ATG4C: variants seen among roughly 807,000 people sequenced by gnomAD.
ATG4C encodes cysteine protease ATG4C.
Under a neutral mutation model 57.6 loss-of-function variants are expected in ATG4C, and 56 were observed. The ratio of observed to expected loss-of-function variants is 0.97; its 90% CI spans 0.78 to 1.21. ATG4C has a LOEUF of 1.21. Ranked by LOEUF, ATG4C falls within the 50% of genes most tolerant of loss-of-function variation. ATG4C has a pLI of 0.00. For missense variants in ATG4C, 595 were observed against 529.8 expected, an observed-to-expected ratio of 1.12 and a Z score of -1.21; for synonymous variants, 157 against 174.1, an observed-to-expected ratio of 0.90 and a Z score of 0.78.
chr1:62,811,078 T>A (rs1187741479), intron 3 of ATG4C, among the ~76,000 whole-genome samples: 2 of 152,220 alleles, frequency 1.3e-5, no homozygotes, highest in African/African-American at 4.8e-5. Flanking sequence ...TTCAGTTCCC[T>A]TTCTATTTGA....
In ATG4C at chr1:62,864,468, C is replaced by G. The variant is rs1438174901; in HGVS notation, c.*309C>G. ...AAGTCTTCCACCTGAGCCCATTGTT[C>G]TCATGGAGGTTTTGTGATATTAACC... is the stretch of plus-strand genomic sequence containing the variant. On this transcript the variant is annotated 3_prime_UTR_variant, in exon 11 of 11. Coordinates refer to ENST00000317868, the MANE Select transcript of ATG4C (RefSeq NM_032852.4). 1 of 221,772 alleles carries G rather than the reference C, an allele frequency of 4.5e-6. No homozygotes were observed. Among genetic ancestry groups the G allele is most frequent in the Non-Finnish European group, 8.8e-6 (1 of 113,786 alleles). The allele number at this position is 221,772 out of a possible 1,614,324, so 13.7% of individuals were successfully genotyped here.
chr1:62,848,967 T>C (rs1184744129), intron 10 of ATG4C, among the ~76,000 whole-genome samples: 1 of 152,236 alleles, frequency 6.6e-6, no homozygotes, highest in African/African-American at 2.4e-5. Context: ...ATTTTGTAGA[T>C]TGTCCTCTCA....
At chr1:62,853,457 T>C (rs1433028211) in intron 10 of ATG4C, among the ~76,000 whole-genome samples, 2 of 152,210 alleles carry the variant, frequency 1.3e-5, no homozygotes, top group African/African-American at 4.8e-5. Context: ...ACTGTTATTT[T>C]TACTTTTGAG....
intron 9 of ATG4C, among the ~76,000 whole-genome samples, chr1:62,838,425 CA>C (rs1181363593): frequency 2.0e-5 from 3 of 152,154 alleles, no homozygotes; most frequent in Non-Finnish European, 4.4e-5. Flanking sequence ...CTGCAATAGA[CA>C]ACGATTGTGA....
chr1:62,795,119 T>C (rs1664418171), intron 1 of ATG4C, among the ~76,000 whole-genome samples: 1 of 152,236 alleles, frequency 6.6e-6, no homozygotes, highest in Non-Finnish European at 1.5e-5. Context: ...TGCGGTGTTT[T>C]TACCCATTGC....
intron 10 of ATG4C, among the ~76,000 whole-genome samples, chr1:62,843,683 TAAACC>T (rs974854782): frequency 2.0e-4 from 31 of 152,310 alleles, no homozygotes; most frequent in African/African-American, 7.5e-4. Flanking sequence ...TAAAAATTGT[TAAACC>T]AATTCAGTGT....
chr1:62,821,529 G>A (rs545018853), intron 6 of ATG4C, among the ~76,000 whole-genome samples: 8 of 152,030 alleles, frequency 5.3e-5, no homozygotes, highest in Non-Finnish European at 1.0e-4. Flanking sequence ...ATTGGTGGAC[G>A]TGTTTCAAGG....
At chr1:62,791,416 CTG>C (rs1664271144) in intron 1 of ATG4C, among the ~76,000 whole-genome samples, 1 of 152,198 alleles carries the variant, frequency 6.6e-6, no homozygotes, top group African/African-American at 2.4e-5. Flanking sequence ...TTGTCGTAGT[CTG>C]TCTTTCATTG....
intron 10 of ATG4C, among the ~76,000 whole-genome samples, chr1:62,851,916 G>A (rs777534323): frequency 4.3e-4 from 65 of 152,298 alleles, no homozygotes; most frequent in African/African-American, 1.4e-3. Context: ...AGTTTGCAAA[G>A]CGAAAATTGT....
At chr1:62,817,500 C>T (rs550872384) in intron 4 of ATG4C, among the ~76,000 whole-genome samples, 35 of 152,170 alleles carry the variant, frequency 2.3e-4, no homozygotes, top group African/African-American at 8.4e-4. Context: ...TGCGTGCCAC[C>T]ATGGTTAGCT....
At chr1:62,831,669 A>T (rs1026819834) in intron 7 of ATG4C, among the ~76,000 whole-genome samples, 3 of 152,106 alleles carry the variant, frequency 2.0e-5, no homozygotes, top group African/African-American at 7.2e-5. Flanking sequence ...TTATTGCTTC[A>T]TGGATACAGC....
At chr1:62,800,258 A>G (rs1270632220) in intron 1 of ATG4C, among the ~76,000 whole-genome samples, 1 of 152,210 alleles carries the variant, frequency 6.6e-6, no homozygotes, top group East Asian at 1.9e-4. Flanking sequence ...TTTTGGATCT[A>G]GAAGACCAAG....
intron 5 of ATG4C, among the ~76,000 whole-genome samples, chr1:62,819,926 T>A (rs1432314064): frequency 6.6e-6 from 1 of 152,010 alleles, no homozygotes; most frequent in Non-Finnish European, 1.5e-5. Flanking sequence ...ACCAAGTTTT[T>A]AAAAAAATTA....
At chr1:62,827,229 T>A (rs1329226206) in intron 6 of ATG4C, among the ~76,000 whole-genome samples, 2 of 152,194 alleles carry the variant, frequency 1.3e-5, no homozygotes, top group Non-Finnish European at 2.9e-5. Flanking sequence ...TATCTTCTAA[T>A]CCCATTTTTG....
rs761785809 is a variant in ATG4C at position 62,805,176 on chromosome 1, G to C, written c.81G>C (p.Trp27Cys). 2.0e-6 allele frequency: 3 copies of C among 1,514,642 alleles called. No individual in the cohort carries two copies. The highest frequency in any genetic ancestry group is 2.6e-6 in the Non-Finnish European group (3 of 1,143,724). The allele number at this position is 1,514,642 out of a possible 1,614,324, so 93.8% of individuals were successfully genotyped here. ...TCTTTTTTTTTTTTTTGCTAGGTTG[G>C]GTGTTGAAAACAAAGACGTATTTTA... is the stretch of plus-strand genomic sequence containing the variant. ...ISAWNNMKYS[W>C]VLKTKTYFSR... Residue 27 changes from tryptophan (W) to cysteine (C), a missense_variant, in exon 3 of 11, where the codon TGG (tryptophan) becomes TGC (cysteine). Physicochemically the swap from Trp to Cys is radical, Grantham distance 215. Transcript: ENST00000317868.
At chr1:62,837,138 C>T (rs1666023977) in intron 9 of ATG4C, among the ~76,000 whole-genome samples, 1 of 152,032 alleles carries the variant, frequency 6.6e-6, no homozygotes, top group South Asian at 2.1e-4. Context: ...TGATTATATA[C>T]ATTTCTATTA....
intron 6 of ATG4C, among the ~76,000 whole-genome samples, chr1:62,827,797 C>T (rs1665713193): frequency 2.0e-5 from 2 of 99,538 alleles, no homozygotes; most frequent in East Asian, 3.7e-4. Flanking sequence ...TTTTCTGCTC[C>T]TCTCTCTCCT....
At chr1:62,860,353 C>T (rs1184498158) in intron 10 of ATG4C, among the ~76,000 whole-genome samples, 1 of 152,118 alleles carries the variant, frequency 6.6e-6, no homozygotes, top group Non-Finnish European at 1.5e-5. Flanking sequence ...AATACTTAAA[C>T]CACTAAGTCA....
chr1:62,841,405 C>A, intron 9 of ATG4C, 23 bp from the exon 10 acceptor site: 1 of 1,582,816 alleles, frequency 6.3e-7, no homozygotes, highest in Non-Finnish European at 8.6e-7. Flanking sequence ...TAAATTAATC[C>A]TAAAGAACTT....
Sources: gnomAD v4.1 joint callset for allele counts (sites outside exome capture counted in the v4.1 genomes callset) on GRCh38, gnomAD v4.1.1 for gene constraint, MANE v1.5 for transcripts, NCBI Gene and HGNC (gene_info 2026-07-23, HGNC 2026-07-21) for gene names.